Variants in CEPT1 observed in about 807,000 individuals in gnomAD.
CEPT1 encodes the protein choline/ethanolamine phosphotransferase 1, also known as choline/ethanolaminephosphotransferase 1.
CEPT1 carries 7 observed loss-of-function variants against 42.6 expected under a neutral mutation model. The observed-to-expected ratio is 0.16, with a 90% confidence interval of 0.09 to 0.31. CEPT1 has a LOEUF of 0.31. Among genes scored for constraint, CEPT1 ranks in the 10% least tolerant of loss-of-function variants. The pLI is 1.00. For missense variants in CEPT1, 306 were observed against 502.1 expected, an observed-to-expected ratio of 0.61 and a Z score of 3.73; for synonymous variants, 171 against 171.9, an observed-to-expected ratio of 0.99 and a Z score of 0.04.
At chr1:111,158,446 G>A (rs1304826683) in intron 2 of CEPT1, among the ~76,000 whole-genome samples, 2 of 152,098 alleles carry the variant, frequency 1.3e-5, no homozygotes, top group East Asian at 3.8e-4. Flanking sequence ...CGTGACTGTG[G>A]ATTTGAAAAA....
At chr1:111,164,746 G>C (rs887384433) in intron 4 of CEPT1, among the ~76,000 whole-genome samples, 1 of 151,352 alleles carries the variant, frequency 6.6e-6, no homozygotes, top group Non-Finnish European at 1.5e-5. Context: ...TCAGCCTCCC[G>C]AGTAGCTAGG....
intron 4 of CEPT1, among the ~76,000 whole-genome samples, chr1:111,166,626 A>C (rs554257482): frequency 1.1e-4 from 16 of 152,284 alleles, no homozygotes; most frequent in African/African-American, 3.6e-4. Context: ...GAGATAGCAG[A>C]GGTAGGAGTG....
At chr1:111,175,015 G>C (rs1449359275) in intron 5 of CEPT1, 52 bp downstream of exon 5, 1 of 1,112,646 alleles carries the variant, frequency 9.0e-7, no homozygotes, top group South Asian at 1.2e-5. Flanking sequence ...TCTTTTGCTT[G>C]TGTTTTCTAA....
chr1:111,163,706 A>G (rs1451505571), intron 4 of CEPT1, among the ~76,000 whole-genome samples: 4 of 152,222 alleles, frequency 2.6e-5, no homozygotes, highest in Non-Finnish European at 5.9e-5. Context: ...AGATATACAT[A>G]TAGATACATA....
intron 4 of CEPT1, among the ~76,000 whole-genome samples, chr1:111,168,562 C>A (rs534031516): frequency 1.3e-5 from 2 of 151,540 alleles, no homozygotes; most frequent in Non-Finnish European, 2.9e-5. Context: ...TATCTCAGCT[C>A]ACTGCAAGCT....
chr1:111,182,988 T>A (rs770108074), intron 7 of CEPT1, 31 bp downstream of exon 7: 46 of 1,593,292 alleles, frequency 2.9e-5, no homozygotes, highest in Non-Finnish European at 3.9e-5. Flanking sequence ...TTGCTGTGTT[T>A]TTCACTTTCA....
chr1:111,143,022 A>G (rs2101213020), intron 1 of CEPT1, among the ~76,000 whole-genome samples: 1 of 152,346 alleles, frequency 6.6e-6, no homozygotes, highest in South Asian at 2.1e-4. Context: ...CACTTTTACT[A>G]TTATGGTACA....
chr1:111,159,362 T>C lies in CEPT1; in HGVS notation c.340-18T>C, dbSNP rs200019469. 187 of 1,598,372 alleles carry C rather than the reference T, an allele frequency of 1.2e-4. No homozygotes were observed. Among genetic ancestry groups the C allele is most frequent in the Middle Eastern group, 8.3e-4 (5 of 6,002 alleles). ...CTGTGTGTCTGAATACTCTTGCCTT[T>C]CTTATTTTATTTCACAGGCACCTCT... On this transcript the variant is annotated intron_variant, in intron 2 of 8. Coordinates refer to ENST00000357172, the MANE Select transcript of CEPT1 (RefSeq NM_006090.5).
intron 4 of CEPT1, among the ~76,000 whole-genome samples, 171 bp downstream of exon 4, chr1:111,161,467 C>G (rs924310674): frequency 1.2e-4 from 18 of 151,718 alleles, no homozygotes; most frequent in African/African-American, 3.9e-4. Context: ...ATATGTCCCT[C>G]TATTATACTT....
intron 1 of CEPT1, among the ~76,000 whole-genome samples, chr1:111,143,145 G>C (rs1388238767): frequency 1.3e-5 from 2 of 152,174 alleles, no homozygotes; most frequent in Non-Finnish European, 2.9e-5. Flanking sequence ...ACAACTCTGC[G>C]TTAATTCTCC....
chr1:111,150,627 A>AT (rs920614638), intron 2 of CEPT1, among the ~76,000 whole-genome samples: 3 of 152,144 alleles, frequency 2.0e-5, no homozygotes, highest in Non-Finnish European at 2.9e-5. Flanking sequence ...CTTCCCATAT[A>AT]TTTTTTATGT....
At position 111,158,902 on chromosome 1, in the gene CEPT1, C is replaced by CTTTTTTTTTTT. The variant is rs149230078; in HGVS notation, c.340-459_340-449dup. Among the ~76,000 whole-genome samples, 9 of 55,458 alleles carry CTTTTTTTTTTT rather than the reference C, an allele frequency of 1.6e-4. 1 individual carries two copies. The highest frequency in any genetic ancestry group is 2.4e-4 in the Non-Finnish European group (7 of 28,812). The allele number at this position is 55,458 out of a possible 152,430, so 36.4% of individuals were successfully genotyped here. A position where few individuals can be genotyped will look rare whatever the true frequency, so the allele number is the denominator to read the frequency against. On this transcript the variant is annotated intron_variant, in intron 2 of 8. Coordinates refer to ENST00000357172, the MANE Select transcript of CEPT1 (RefSeq NM_006090.5). ...CAGGAAATTTAATTCTTTTACAATT[C>CTTTTTTTTTTT]TTTTTTTTTTTTTTTTTTTTTTTTT...
chr1:111,140,915 GTT>G (rs1175704056), intron 1 of CEPT1, among the ~76,000 whole-genome samples: 3 of 152,228 alleles, frequency 2.0e-5, no homozygotes, highest in African/African-American at 7.2e-5. Context: ...AACCAAAAGA[GTT>G]GCTGGTGTTT....
chr1:111,159,261 A>G (rs1486814660), intron 2 of CEPT1, 119 bp from the exon 3 acceptor site: 1 of 893,010 alleles, frequency 1.1e-6, no homozygotes, highest in Non-Finnish European at 1.8e-6. Context: ...ATTATGTAGC[A>G]CTTGGATCTT....
chr1:111,139,571 T>TGCAGTTACCAAGAA (rs1654093706), upstream of CEPT1: 1 of 152,282 alleles, frequency 6.6e-6, no homozygotes, highest in Non-Finnish European at 1.5e-5. Context: ...AGATTCTTGG[T>TGCAGTTACCAAGAA]AACTGCTTCA....
chr1:111,164,286 A>G (rs1656020214), intron 4 of CEPT1, among the ~76,000 whole-genome samples: 1 of 152,230 alleles, frequency 6.6e-6, no homozygotes, highest in South Asian at 2.1e-4. Context: ...GATCACAGCT[A>G]AAAGCTACCT....
intron 4 of CEPT1, chr1:111,173,174 A>G (rs1350091766): frequency 6.6e-6 from 1 of 152,228 alleles, no homozygotes; most frequent in Non-Finnish European, 1.5e-5. Context: ...CCAAGACAGA[A>G]TCGATCATCT....
At chr1:111,158,929 T>TTTTTTTTC (rs1438681949) in intron 2 of CEPT1, among the ~76,000 whole-genome samples, 1 of 139,432 alleles carries the variant, frequency 7.2e-6, no homozygotes, top group African/African-American at 2.8e-5. Context: ...TTTTTTTTTT[T>TTTTTTTTC]TTGAGACGGA....
intron 6 of CEPT1, 67 bp from the exon 7 acceptor site, chr1:111,182,732 T>G (rs1657050698): frequency 5.0e-6 from 7 of 1,399,440 alleles, no homozygotes; most frequent in Non-Finnish European, 6.8e-6. Flanking sequence ...TGAACTGTTC[T>G]GCAGCAGATC....
Sources: allele counts gnomAD v4.1 joint callset (sites outside exome capture counted in the v4.1 genomes callset), GRCh38; gene constraint gnomAD v4.1.1; transcripts MANE v1.5; gene names NCBI Gene and HGNC (gene_info 2026-07-23, HGNC 2026-07-21).